Variants in CARM1 observed in about 807,000 individuals in gnomAD.
CARM1 encodes coactivator associated arginine methyltransferase 1.
A neutral mutation model predicts 72.7 loss-of-function variants in CARM1; 14 were observed. The observed-to-expected ratio is 0.19, with a 90% CI of 0.13 to 0.30. The LOEUF is 0.30. Ranked by LOEUF, CARM1 falls within the 10% of genes least tolerant of loss-of-function variation. The probability of loss-of-function intolerance (pLI) is 1.00; values close to 1 mark genes in which losing one functional copy is unlikely to be tolerated. For synonymous variants in CARM1, 333 were observed against 345.5 expected, an observed-to-expected ratio of 0.96 and a Z score of 0.40; for missense variants, 432 against 833.7, an observed-to-expected ratio of 0.52 and a Z score of 5.93.
chr19:10,920,417 G>A lies in CARM1; in HGVS notation c.1197-19G>A, dbSNP rs767160505. The A allele has an allele frequency of 2.0e-5, 32 of 1,603,560 alleles. No individual in the cohort carries two copies. Among genetic ancestry groups the A allele is most frequent in the Non-Finnish European group, 1.2e-5 (14 of 1,172,140 alleles). On this transcript the variant is annotated intron_variant, in intron 10 of 15. Transcript: ENST00000327064. This position sits in a 1 kb window ranked among gnomAD's most constrained non-coding sequence, Gnocchi z 5.3. ...GTGGCGCCGGCCCAGTCAAGTATGTGCCTGTCCCTGCTCCACAGAATGACC... is the reference window on the plus strand; with the variant it reads ...GTGGCGCCGGCCCAGTCAAGTATGTACCTGTCCCTGCTCCACAGAATGACC...
intron 1 of CARM1, among the ~76,000 whole-genome samples, chr19:10,894,662 G>C (rs2074011210): frequency 6.6e-6 from 1 of 151,452 alleles, no homozygotes; most frequent in Non-Finnish European, 1.5e-5. Context: ...CTTGAAATGT[G>C]GCCTTTCTCC....
At chr19:10,882,271 AGT>A (rs1491214532) in intron 1 of CARM1, among the ~76,000 whole-genome samples, 1 of 152,136 alleles carries the variant, frequency 6.6e-6, no homozygotes, top group African/African-American at 2.4e-5. Context: ...AAGGGCATGC[AGT>A]GGGGGGGATG....
intron 1 of CARM1, among the ~76,000 whole-genome samples, chr19:10,875,487 C>T (rs1468800300): frequency 2.0e-5 from 3 of 151,716 alleles, no homozygotes; most frequent in Non-Finnish European, 2.9e-5. Flanking sequence ...TGCAATTGCG[C>T]GATCTCCGCT....
intron 6 of CARM1, 37 bp downstream of exon 6, chr19:10,914,091 T>C: frequency 6.4e-7 from 1 of 1,564,786 alleles, no homozygotes. Context: ...GGCCCCTCGG[T>C]GGAGGCCCTG....
intron 1 of CARM1, among the ~76,000 whole-genome samples, chr19:10,881,177 G>A (rs908115717): frequency 1.6e-4 from 24 of 152,060 alleles, no homozygotes; most frequent in African/African-American, 5.3e-4. Context: ...AAAAAAAAAT[G>A]CTTCTTGCTT....
chr19:10,875,642 T>C (rs2073858343), intron 1 of CARM1, among the ~76,000 whole-genome samples: 1 of 152,098 alleles, frequency 6.6e-6, no homozygotes, highest in African/African-American at 2.4e-5. Flanking sequence ...GCCAGGATGG[T>C]CTCCATCTCC....
At position 10,871,625 on chromosome 19, in the gene CARM1, G is replaced by GGCGGCGGCGGCGGCGGCA. The variant is rs1568342802; in HGVS notation, c.-64_-63insGGCAGCGGCGGCGGCGGC. 1.2e-5 allele frequency: 2 copies of GGCGGCGGCGGCGGCGGCA among 165,976 alleles called. No homozygotes were observed. The highest frequency in any genetic ancestry group is 6.3e-4 in the East Asian group (2 of 3,150). The allele number at this position is 165,976 out of a possible 1,614,324, so 10.3% of individuals were successfully genotyped here. ...CGGCGGCGGCGGCGGCGGCGGCGGCGGCGGCGGCGGCGGCAGCGGCGGCGG... is the reference window on the plus strand; with the variant it reads ...CGGCGGCGGCGGCGGCGGCGGCGGCGGCGGCGGCGGCGGCGGCAGCGGCGGCGGCGGCAGCGGCGGCGG... On this transcript the variant is annotated 5_prime_UTR_variant, in exon 1 of 16. Transcript: ENST00000327064. The surrounding 1 kb of genome is among the most constrained non-coding windows in gnomAD (Gnocchi z 5.6).
intron 1 of CARM1, among the ~76,000 whole-genome samples, chr19:10,888,452 G>A (rs2073957167): frequency 6.6e-6 from 1 of 152,306 alleles, no homozygotes; most frequent in African/African-American, 2.4e-5. Flanking sequence ...TCGACCTGGA[G>A]GGTGGTTTGA....
intron 1 of CARM1, among the ~76,000 whole-genome samples, chr19:10,894,000 C>T (rs532070709): frequency 3.9e-5 from 6 of 152,304 alleles, no homozygotes; most frequent in Admixed American, 1.3e-4. Flanking sequence ...CTCTTGGGCA[C>T]ATGGGTGCCA....
At position 10,919,847 on chromosome 19, in the gene CARM1, C is replaced by T. The variant is rs945838319; in HGVS notation, c.1107-30C>T. ...TCTCTCGGCAGCGCCTGTCTGGCTTCCCCAGCAGCCACTGCCCTTTGCCTT... is the reference window on the plus strand; with the variant it reads ...TCTCTCGGCAGCGCCTGTCTGGCTTTCCCAGCAGCCACTGCCCTTTGCCTT... On this transcript the variant is annotated intron_variant, in intron 9 of 15. Transcript: ENST00000327064. 12 of 1,583,240 alleles carry T rather than the reference C, an allele frequency of 7.6e-6. No individual in the cohort carries two copies. The Admixed American group carries it at 1.7e-4, about 22-fold the overall frequency.
chr19:10,871,985 G>A lies in CARM1; in HGVS notation c.220+63G>A. On this transcript the variant is annotated intron_variant, in intron 1 of 15. Coordinates refer to ENST00000327064, the MANE Select transcript of CARM1 (RefSeq NM_199141.2). This position sits in a 1 kb window ranked among gnomAD's most constrained non-coding sequence, Gnocchi z 5.6. ...CTGCTCACGAGGCCGGCCCGGGGCG[G>A]GGGCCGGCGGGGAGGGGCCCTGAGC... 1.7e-6 allele frequency: 2 copies of A among 1,148,766 alleles called. No individual in the cohort carries two copies. Among genetic ancestry groups the A allele is most frequent in the Non-Finnish European group, 2.1e-6 (2 of 931,404 alleles). 71.2% of individuals were successfully genotyped at this position (1,148,766 alleles called of 1,614,324 possible).
At chr19:10,919,547 T>C (rs2074223660) in intron 8 of CARM1, 48 bp from the exon 9 acceptor site, 1 of 1,395,400 alleles carries the variant, frequency 7.2e-7, no homozygotes, top group Non-Finnish European at 1.0e-6. Context: ...TCCCCTCCCA[T>C]GCTGGCCCTG....
chr19:10,914,124 A>C, intron 6 of CARM1, 70 bp downstream of exon 6: 10 of 1,444,164 alleles, frequency 6.9e-6, no homozygotes, highest in South Asian at 5.0e-5. Context: ...CCAGGCCATC[A>C]GTGCTTCAGC....
At chr19:10,878,422 C>G (rs2073878820) in intron 1 of CARM1, among the ~76,000 whole-genome samples, 1 of 152,160 alleles carries the variant, frequency 6.6e-6, no homozygotes, top group Non-Finnish European at 1.5e-5. Context: ...GAGCATACTT[C>G]TGAATTGTGT....
rs371021736 is a variant in CARM1, at chr19:10,911,165, A to G, written c.559-1019A>G. Among the ~76,000 whole-genome samples the G allele has an allele frequency of 1.7e-4, 26 of 152,290 alleles. No individual in the cohort carries two copies. In the East Asian group the frequency reaches 2.3e-3, roughly 14 times the overall value. On this transcript the variant is annotated intron_variant, in intron 4 of 15. Transcript: ENST00000327064. The stretch of plus-strand genomic sequence containing the variant: ...CTCAGCCTCCCAAAGTGCTGAGATT[A>G]CAGGTGTGAGCCGCCGCACCTGGCC...
chr19:10,892,292 C>A (rs758539411), intron 1 of CARM1, among the ~76,000 whole-genome samples: 8 of 152,226 alleles, frequency 5.3e-5, no homozygotes, highest in Non-Finnish European at 1.2e-4. Flanking sequence ...AGTTTTTGAT[C>A]AGTTGCTCAG....
At chr19:10,913,642 G>A (rs944482022) in intron 5 of CARM1, among the ~76,000 whole-genome samples, 2 of 151,916 alleles carry the variant, frequency 1.3e-5, no homozygotes, top group Admixed American at 6.6e-5. Context: ...CAAGCAGTCC[G>A]CCTGCCTCGG....
At chr19:10,882,326 T>C (rs771933114) in intron 1 of CARM1, among the ~76,000 whole-genome samples, 1 of 152,144 alleles carries the variant, frequency 6.6e-6, no homozygotes, top group Non-Finnish European at 1.5e-5. Context: ...GCTCCAGCCA[T>C]GCTGTGGCCC....
chr19:10,912,037 C>T lies in CARM1; in HGVS notation c.559-147C>T, dbSNP rs1255247156. The T allele has an allele frequency of 6.9e-6, 5 of 721,526 alleles. No homozygotes were observed. The highest frequency in any genetic ancestry group is 2.5e-5 in the East Asian group (1 of 40,390). 44.7% of individuals were successfully genotyped at this position (721,526 alleles called of 1,614,324 possible). ...TGGCCCATGGCTCATCTTGAGTTCT[C>T]GCTTCATTTTGACCAAGAGCCCATA... On this transcript the variant is annotated intron_variant, in intron 4 of 15. Transcript: ENST00000327064. The surrounding 1 kb of genome is among the most constrained non-coding windows in gnomAD (Gnocchi z 4.5).
Sources: allele counts gnomAD v4.1 joint callset (sites outside exome capture counted in the v4.1 genomes callset), GRCh38; gene constraint gnomAD v4.1.1; non-coding constraint Gnocchi (gnomAD v3.1); transcripts MANE v1.5; gene names NCBI Gene and HGNC (gene_info 2026-07-23, HGNC 2026-07-21).